Variants in TGM1 observed in about 807,000 individuals in gnomAD.
TGM1 encodes protein-glutamine gamma-glutamyltransferase K.
A neutral mutation model predicts 88.7 loss-of-function variants in TGM1; 63 were observed. The ratio of observed to expected loss-of-function variants is 0.71; its 90% confidence interval spans 0.58 to 0.88. TGM1 has a LOEUF of 0.88. Ranked by LOEUF, TGM1 falls within the 40% of genes least tolerant of loss-of-function variation. TGM1 has a pLI of 0.00. For missense variants in TGM1, 996 were observed against 1,118.0 expected, an observed-to-expected ratio of 0.89 and a Z score of 1.56; for synonymous variants, 415 against 431.1, an observed-to-expected ratio of 0.96 and a Z score of 0.46.
chr14:24,251,182 C>G (rs1442267618), intron 14 of TGM1, among the ~76,000 whole-genome samples: 9 of 152,100 alleles, frequency 5.9e-5, no homozygotes, highest in Non-Finnish European at 1.2e-4. Context: ...AGGAGGGAGG[C>G]AGGGATATAT....
chr14:24,250,144 G>GTCTC lies in TGM1; in HGVS notation c.2226-607_2226-604dup, dbSNP rs1180114339. ...TCTTTAAATGGACATAAACCCTTAT[G>GTCTC]TCTCTGTGTGTGTGTGTGTGTGTGT... On this transcript the variant is annotated intron_variant, in intron 14 of 14. Transcript: ENST00000206765. Among the ~76,000 whole-genome samples the GTCTC allele has an allele frequency of 4.2e-3, 426 of 102,522 alleles. 2 individuals carry two copies. Among genetic ancestry groups the GTCTC allele is most frequent in the African/African-American group, 0.014 (337 of 23,714 alleles). 67.3% of individuals were successfully genotyped at this position (102,522 alleles called of 152,430 possible).
At chr14:24,260,291 C>G in intron 4 of TGM1, 159 bp downstream of exon 4, 1 of 1,276,708 alleles carries the variant, frequency 7.8e-7, no homozygotes, top group East Asian at 2.5e-5. Context: ...CCTGGGCTGG[C>G]CACCTTTCTG....
Position 24,254,290 on chromosome 14 carries a change from TGA to T in TGM1, c.2089-4_2089-3del, listed in dbSNP as rs748306488. On this transcript the variant is annotated splice_polypyrimidine_tract_variant and splice_region_variant and intron_variant, in intron 13 of 14. Coordinates refer to ENST00000206765, the MANE Select transcript of TGM1 (RefSeq NM_000359.3). ...GCCAACCACTGCTGCTCCCAGTAAC[TGA>T]GAGAAAAAGAGGCCCATCCCCCACG... The T allele has an allele frequency of 8.1e-5, 131 of 1,613,764 alleles. No individual in the cohort carries two copies. In the Admixed American group the frequency reaches 1.8e-3, roughly 23 times the overall value.
At position 24,260,674 on chromosome 14, in the gene TGM1, C is replaced by T. The variant is rs1470365445; in HGVS notation, c.533G>A (p.Gly178Asp). The T allele has an allele frequency of 6.2e-7, 1 of 1,614,126 alleles. No individual in the cohort carries two copies. Among genetic ancestry groups the T allele is most frequent in the African/African-American group, 1.3e-5 (1 of 75,036 alleles). Residue 178 changes from glycine to aspartate, a missense_variant, in exon 4 of 15, where the codon GGC becomes GAC. Coordinates refer to ENST00000206765, the MANE Select transcript of TGM1 (RefSeq NM_000359.3). ...LIGNNPEVGK[G>D]THVIIPVGKG... is the part of the protein sequence containing the mutation. The stretch of plus-strand genomic sequence containing the variant: ...GCCCACTGGGATGATCACGTGCGTG[C>T]CCTTGCCCACCTCGGGGTTGTTTCC...
At chr14:24,262,574 C>T (rs1041421696) in intron 1 of TGM1, among the ~76,000 whole-genome samples, 1 of 152,196 alleles carries the variant, frequency 6.6e-6, no homozygotes, top group Non-Finnish European at 1.5e-5. Flanking sequence ...TCCCCTCACC[C>T]CCACCAAACA....
chr14:24,260,212 G>C, intron 4 of TGM1, 154 bp from the exon 5 acceptor site: 1 of 935,436 alleles, frequency 1.1e-6, no homozygotes, highest in Non-Finnish European at 1.7e-6. Flanking sequence ...CGGGGAGCAT[G>C]ACAGATGGTG....
intron 8 of TGM1, 24 bp from the exon 9 acceptor site, chr14:24,258,412 TG>T (rs1566378362): frequency 1.9e-6 from 3 of 1,613,146 alleles, no homozygotes; most frequent in Non-Finnish European, 2.5e-6. Context: ...GAGGAGGGGC[TG>T]GGTCTGAGCC....
rs2040731088 is a variant in TGM1 at position 24,254,739 on chromosome 14, G to C, written c.2013C>G (p.Gly671=). ...DQGAMLLNVS[G]HVKESGQVLA... ...GCACCTGCCCGCTCTCCTTGACGTG[G>C]CCTGAGACATTGAGCAGCATGGCCC... is the stretch of plus-strand genomic sequence containing the variant. The change falls in exon 13 of 15, where the codon GGC becomes GGG. Residue 671 remains glycine (G), a synonymous_variant. Coordinates refer to ENST00000206765, the MANE Select transcript of TGM1 (RefSeq NM_000359.3). The C allele has an allele frequency of 6.2e-7, 1 of 1,613,954 alleles. No homozygotes were observed. Among genetic ancestry groups the C allele is most frequent in the Admixed American group, 1.7e-5 (1 of 60,010 alleles).
rs768841672 is a variant in TGM1, at chr14:24,258,524, C to A, written c.1298+11G>T. ...TTCTTCAGCACAGATGGGCAGTCCACCCCAGCTCACCAGACAGAATCATGG... is the reference window on the plus strand; with the variant it reads ...TTCTTCAGCACAGATGGGCAGTCCAACCCAGCTCACCAGACAGAATCATGG... On this transcript the variant is annotated intron_variant, in intron 8 of 14. Transcript: ENST00000206765. 1.9e-6 allele frequency: 3 copies of A among 1,614,002 alleles called. No individual in the cohort carries two copies. The highest frequency in any genetic ancestry group is 2.2e-5 in the South Asian group (2 of 91,078).
At chr14:24,257,840 AG>A (rs1420427668) in intron 9 of TGM1, among the ~76,000 whole-genome samples, 1 of 152,238 alleles carries the variant, frequency 6.6e-6, no homozygotes, top group Admixed American at 6.5e-5. Context: ...GAGAGAGAAT[AG>A]GGAAGCTTTA....
chr14:24,258,193 T>TCCGGC, intron 9 of TGM1, 92 bp downstream of exon 9: 2 of 1,113,942 alleles, frequency 1.8e-6, no homozygotes, highest in South Asian at 2.7e-5. Flanking sequence ...GGCTTGGCTC[T>TCCGGC]CCGGCCCGGC....
At position 24,259,789 on chromosome 14, in the gene TGM1, G is replaced by A. The variant is rs778708394; in HGVS notation, c.899C>T (p.Ala300Val). 1 of 1,613,172 alleles carries A rather than the reference G, an allele frequency of 6.2e-7. No homozygotes were observed. The highest frequency in any genetic ancestry group is 1.1e-5 in the South Asian group (1 of 91,040). Reference sequence around the variant, plus strand: ...CCGCCGGTCCAGGATGTATAAGCAGGCATCCAGCACCCCGTGGTCAAACTG... The same window carrying A: ...CCGCCGGTCCAGGATGTATAAGCAGACATCCAGCACCCCGTGGTCAAACTG... Reference protein sequence around the residue: ...YGQFDHGVLDACLYILDRRGM... With the variant: ...YGQFDHGVLDVCLYILDRRGM... The change falls in exon 6 of 15, where the codon GCC (alanine) becomes GTC (valine). Residue 300 changes from alanine (A) to valine (V), a missense_variant. Physicochemically the swap from Ala to Val is moderately conservative, Grantham distance 64. Transcript: ENST00000206765. The surrounding 1 kb of genome is among the most constrained non-coding windows in gnomAD (Gnocchi z 5.7).
At chr14:24,260,327 CCCAA>C (rs998984899) in intron 4 of TGM1, 119 bp downstream of exon 4, 2 of 1,478,500 alleles carry the variant, frequency 1.4e-6, no homozygotes, top group African/African-American at 2.8e-5. Context: ...CTCTCATCTG[CCCAA>C]TGGGAGGCTG....
At position 24,261,684 on chromosome 14, in the gene TGM1, G is replaced by A. The variant is rs777595006; in HGVS notation, c.508+11C>T. 2 of 1,613,974 alleles carry A rather than the reference G, an allele frequency of 1.2e-6. No homozygotes were observed. Among genetic ancestry groups the A allele is most frequent in the Non-Finnish European group, 1.7e-6 (2 of 1,179,936 alleles). ...AGGGCCTTCACCCGTCCCAATCCAA[G>A]CCCCACTGACCGATGAGTAACTCAA... On this transcript the variant is annotated intron_variant, in intron 3 of 14. Transcript: ENST00000206765.
Position 24,249,145 on chromosome 14 carries a change from C to T in TGM1, c.*168G>A. The T allele has an allele frequency of 1.4e-6, 1 of 700,432 alleles. No individual in the cohort carries two copies. The highest frequency in any genetic ancestry group is 2.1e-5 in the Admixed American group (1 of 47,188). 43.4% of individuals were successfully genotyped at this position (700,432 alleles called of 1,614,324 possible). A position where few individuals can be genotyped will look rare whatever the true frequency, so the allele number is the denominator to read the frequency against. On this transcript the variant is annotated 3_prime_UTR_variant, in exon 15 of 15. Coordinates refer to ENST00000206765, the MANE Select transcript of TGM1 (RefSeq NM_000359.3). Reference sequence around the variant, plus strand: ...AAAAAACAGTTTATTAGCATCTGTTCCCCCAGTGCAAGTGAAGACTGACTC... The same window carrying T: ...AAAAAACAGTTTATTAGCATCTGTTTCCCCAGTGCAAGTGAAGACTGACTC...
At position 24,254,180 on chromosome 14, in the gene TGM1, A is replaced by T; in HGVS notation, c.2197T>A (p.Leu733Ile). Reference sequence around the variant, plus strand: ...ACGTTGAGGATCTTGGGCCTCTGTAACCCAGAGCCTTCGAGCCGGAAGACG... The same window carrying T: ...ACGTTGAGGATCTTGGGCCTCTGTATCCCAGAGCCTTCGAGCCGGAAGACG... Reference protein sequence around the residue: ...NVVFRLEGSGLQRPKILNVGD... With the variant: ...NVVFRLEGSGIQRPKILNVGD... The change falls in exon 14 of 15, where the codon TTA becomes ATA. Residue 733 changes from leucine to isoleucine, a missense_variant. Coordinates refer to ENST00000206765, the MANE Select transcript of TGM1 (RefSeq NM_000359.3). The T allele has an allele frequency of 6.2e-7, 1 of 1,613,132 alleles. No individual in the cohort carries two copies. The highest frequency in any genetic ancestry group is 8.5e-7 in the Non-Finnish European group (1 of 1,179,638).
Position 24,255,669 on chromosome 14 carries a change from C to A in TGM1, c.1492-152G>T. ...TGGCAGAGCCCAAGGGGAGACTTTC[C>A]AAGACGAGCCAGACGAGGCCAGAGT... On this transcript the variant is annotated intron_variant, in intron 10 of 14. Transcript: ENST00000206765. This position sits in a 1 kb window ranked among gnomAD's most constrained non-coding sequence, Gnocchi z 4.0. 9.4e-7 allele frequency: 1 copy of A among 1,068,486 alleles called. No individual in the cohort carries two copies. The highest frequency in any genetic ancestry group is 1.4e-6 in the Non-Finnish European group (1 of 732,888). 66.2% of individuals were successfully genotyped at this position (1,068,486 alleles called of 1,614,324 possible).
chr14:24,258,168 G>A (rs1485357422), intron 9 of TGM1, 117 bp downstream of exon 9: 2 of 748,348 alleles, frequency 2.7e-6, no homozygotes, highest in Non-Finnish European at 4.5e-6. Flanking sequence ...CGTTTAAGAA[G>A]CCGCGGGGTT....
Position 24,249,479 on chromosome 14 carries a change from G to A in TGM1, c.2288C>T (p.Pro763Leu). The stretch of plus-strand genomic sequence containing the variant: ...GTCCAAGCTGGCAATGAGCTGGCGG[G>A]GGCCTGGTCGCACAGGCACAAACGA... ...RQSFVPVRPG[P>L]RQLIASLDSP... Residue 763 changes from proline to leucine, a missense_variant, in exon 15 of 15, where the codon CCC becomes CTC. Coordinates refer to ENST00000206765, the MANE Select transcript of TGM1 (RefSeq NM_000359.3). 1 of 1,614,126 alleles carries A rather than the reference G, an allele frequency of 6.2e-7. No homozygotes were observed. Among genetic ancestry groups the A allele is most frequent in the Non-Finnish European group, 8.5e-7 (1 of 1,180,016 alleles).
Sources: allele counts gnomAD v4.1 joint callset (sites outside exome capture counted in the v4.1 genomes callset), GRCh38; gene constraint gnomAD v4.1.1; non-coding constraint Gnocchi (gnomAD v3.1); transcripts MANE v1.5; gene names NCBI Gene and HGNC (gene_info 2026-07-23, HGNC 2026-07-21).